Variants in CADM2 observed in about 807,000 individuals in gnomAD.
The protein encoded by CADM2 is cell adhesion molecule 2.
CADM2 carries 12 observed loss-of-function variants against 49.8 expected under a neutral mutation model. That is an observed-to-expected ratio of 0.24 (90% CI 0.15 to 0.39). The LOEUF is 0.39. Ranked by LOEUF, CADM2 falls within the 10% of genes least tolerant of loss-of-function variation. CADM2 has a pLI of 1.00. For missense variants in CADM2, 378 were observed against 492.3 expected, an observed-to-expected ratio of 0.77 and a Z score of 2.20; for synonymous variants, 214 against 175.4, an observed-to-expected ratio of 1.22 and a Z score of -1.74.
At chr3:85,778,488 G>A (rs992618989) in intron 2 of CADM2, among the ~76,000 whole-genome samples, 5 of 151,984 alleles carry the variant, frequency 3.3e-5, no homozygotes, top group African/African-American at 4.8e-5. Context: ...TCGTGATAAT[G>A]CACGAGATCT....
intron 1 of CADM2, among the ~76,000 whole-genome samples, chr3:85,016,594 G>A (rs567789017): frequency 2.4e-4 from 36 of 152,094 alleles, no homozygotes; most frequent in African/African-American, 8.0e-4. Context: ...AGAGTTCAAG[G>A]CCAGCCTGGC....
At chr3:85,850,920 C>T (rs1008536245) in intron 3 of CADM2, among the ~76,000 whole-genome samples, 8 of 152,070 alleles carry the variant, frequency 5.3e-5, no homozygotes, top group African/African-American at 1.7e-4. Context: ...TTACTGGATG[C>T]CGAGACCTCT....
intron 5 of CADM2, among the ~76,000 whole-genome samples, chr3:85,898,326 A>C (rs1246685677): frequency 6.6e-6 from 1 of 152,058 alleles, no homozygotes; most frequent in African/African-American, 2.4e-5. Flanking sequence ...AGATATTTAA[A>C]TTTTGCAATT....
intron 1 of CADM2, among the ~76,000 whole-genome samples, chr3:85,382,299 C>T (rs1464949075): frequency 6.6e-6 from 1 of 152,044 alleles, no homozygotes; most frequent in Non-Finnish European, 1.5e-5. Context: ...AAAAAGGCCT[C>T]TATGAGGTGT....
Position 85,590,081 on chromosome 3 carries a change from A to G in CADM2, c.62-136441A>G, listed in dbSNP as rs555554163. 3.9e-5 allele frequency among the ~76,000 whole-genome samples: 6 copies of G among 152,152 alleles called. No homozygotes were observed. The South Asian group carries it at 8.3e-4, about 21-fold the overall frequency. On this transcript the variant is annotated intron_variant, in intron 1 of 9. Coordinates refer to ENST00000383699, the MANE Select transcript of CADM2 (RefSeq NM_001167675.2). ...TTATTTACATGGTAATAAATATGCAATGAAGCCATCAGCTTGCTGGTCATG... is the reference window on the plus strand; with the variant it reads ...TTATTTACATGGTAATAAATATGCAGTGAAGCCATCAGCTTGCTGGTCATG...
At chr3:85,316,927 A>G (rs1470385165) in intron 1 of CADM2, among the ~76,000 whole-genome samples, 1 of 152,146 alleles carries the variant, frequency 6.6e-6, no homozygotes, top group African/African-American at 2.4e-5. Context: ...GTATTCCACT[A>G]AAATATAGTG....
intron 1 of CADM2, among the ~76,000 whole-genome samples, chr3:85,483,612 T>A (rs191789618): frequency 2.7e-5 from 4 of 150,562 alleles, no homozygotes; most frequent in African/African-American, 9.7e-5. Flanking sequence ...AAATACTATA[T>A]AATGAGTATA....
At chr3:85,427,112 A>G (rs1489724844) in intron 1 of CADM2, among the ~76,000 whole-genome samples, 1 of 149,224 alleles carries the variant, frequency 6.7e-6, no homozygotes, top group Non-Finnish European at 1.5e-5. Flanking sequence ...GGGACCATTA[A>G]CACCAAGAAA....
intron 1 of CADM2, among the ~76,000 whole-genome samples, chr3:85,300,438 T>C (rs966954083): frequency 6.6e-6 from 1 of 152,136 alleles, no homozygotes; most frequent in African/African-American, 2.4e-5. Context: ...GATGCTCTCA[T>C]GAATATAAAG....
At chr3:85,744,500 C>G (rs1177258750) in intron 2 of CADM2, among the ~76,000 whole-genome samples, 2 of 150,950 alleles carry the variant, frequency 1.3e-5, no homozygotes, top group African/African-American at 4.9e-5. Flanking sequence ...CTGCCATGTA[C>G]CCACAAAAAA....
rs895189134 is a variant in CADM2 at position 85,943,817 on chromosome 3, C to T, written c.791+7960C>T. Among the ~76,000 whole-genome samples, 3 of 151,926 alleles carry T rather than the reference C, an allele frequency of 2.0e-5. No homozygotes were observed. The East Asian group carries it at 5.8e-4, about 30-fold the overall frequency. On this transcript the variant is annotated intron_variant, in intron 7 of 9. Coordinates refer to ENST00000383699, the MANE Select transcript of CADM2 (RefSeq NM_001167675.2). The stretch of plus-strand genomic sequence containing the variant: ...ATGGGGAAAGGATTCCCTATTTAAC[C>T]ATGCCAAATTGTAAAGACCATTGAT...
intron 3 of CADM2, among the ~76,000 whole-genome samples, chr3:85,817,509 G>A (rs1308144482): frequency 6.6e-6 from 1 of 152,146 alleles, no homozygotes; most frequent in Non-Finnish European, 1.5e-5. Flanking sequence ...TGATAAAAAT[G>A]TTCTCCTGTG....
chr3:85,402,499 A>T (rs951428241), intron 1 of CADM2, among the ~76,000 whole-genome samples: 1 of 151,998 alleles, frequency 6.6e-6, no homozygotes, highest in African/African-American at 2.4e-5. Flanking sequence ...TGTTCTCCAT[A>T]TTTTATTTTG....
intron 1 of CADM2, among the ~76,000 whole-genome samples, chr3:85,614,145 A>G (rs1048311745): frequency 6.7e-6 from 1 of 149,566 alleles, no homozygotes; most frequent in Non-Finnish European, 1.5e-5. Context: ...GTGTATTGGT[A>G]TGAAGATATA....
At chr3:85,962,673 C>G (rs1016195595) in intron 8 of CADM2, among the ~76,000 whole-genome samples, 3 of 151,872 alleles carry the variant, frequency 2.0e-5, no homozygotes, top group Admixed American at 6.6e-5. Flanking sequence ...GGTTTCTTTA[C>G]TACAGTACTT....
At chr3:85,437,125 C>T (rs2036968679) in intron 1 of CADM2, among the ~76,000 whole-genome samples, 2 of 152,084 alleles carry the variant, frequency 1.3e-5, no homozygotes, top group Non-Finnish European at 2.9e-5. Context: ...ATGTTGGCTT[C>T]TTTCACTTAG....
intron 1 of CADM2, among the ~76,000 whole-genome samples, chr3:85,198,561 T>C (rs1032697074): frequency 6.6e-5 from 10 of 151,828 alleles, no homozygotes; most frequent in African/African-American, 2.4e-4. Flanking sequence ...TAACTTTATA[T>C]GATAAACTAC....
chr3:85,820,667 G>C (rs746288418), intron 3 of CADM2, among the ~76,000 whole-genome samples: 8 of 152,066 alleles, frequency 5.3e-5, no homozygotes, highest in Non-Finnish European at 8.8e-5. Flanking sequence ...TTGTCCTTTT[G>C]AGCTTATTAA....
At chr3:86,042,029 A>G (rs563903977) in intron 8 of CADM2, among the ~76,000 whole-genome samples, 3 of 152,334 alleles carry the variant, frequency 2.0e-5, no homozygotes, top group African/African-American at 7.2e-5. Context: ...TTTGAAACCA[A>G]GGAGAACAAA....
Sources: gnomAD v4.1 joint callset for allele counts (sites outside exome capture counted in the v4.1 genomes callset) on GRCh38, gnomAD v4.1.1 for gene constraint, MANE v1.5 for transcripts, NCBI Gene and HGNC (gene_info 2026-07-23, HGNC 2026-07-21) for gene names.